The following PCDH9 variants were observed in gnomAD, a reference collection of about 807,000 sequenced individuals.
PCDH9 encodes the protein protocadherin-9.
A neutral mutation model predicts 70.6 loss-of-function variants in PCDH9; 24 were observed. The observed-to-expected ratio is 0.34, with a 90% CI of 0.25 to 0.48. The LOEUF (loss-of-function observed/expected upper bound fraction) is 0.48. PCDH9 is among the 20% of genes least tolerant of loss of function. PCDH9 has a pLI of 0.99. For missense variants in PCDH9, 1,281 were observed against 1,503.6 expected, an observed-to-expected ratio of 0.85 and a Z score of 2.45; for synonymous variants, 562 against 558.5, an observed-to-expected ratio of 1.01 and a Z score of -0.09.
chr13:66,662,228 T>G (rs887316315), intron 3 of PCDH9, among the ~76,000 whole-genome samples: 1 of 151,956 alleles, frequency 6.6e-6, no homozygotes, highest in Non-Finnish European at 1.5e-5. Flanking sequence ...ATCCTGGCAC[T>G]TTGGGGGGCT....
chr13:66,655,878 G>T (rs2077921285), intron 3 of PCDH9, among the ~76,000 whole-genome samples: 1 of 152,120 alleles, frequency 6.6e-6, no homozygotes. Flanking sequence ...TACAAGAAAT[G>T]ATCTCTCCTG....
At chr13:66,701,031 A>T (rs1319485891) in intron 3 of PCDH9, among the ~76,000 whole-genome samples, 1 of 145,046 alleles carries the variant, frequency 6.9e-6, no homozygotes, top group Non-Finnish European at 1.5e-5. Context: ...ATATATTTCA[A>T]GGTTTTAACA....
At chr13:66,450,227 T>A (rs1958177329) in intron 4 of PCDH9, among the ~76,000 whole-genome samples, 1 of 152,214 alleles carries the variant, frequency 6.6e-6, no homozygotes, top group South Asian at 2.1e-4. Flanking sequence ...TAAACAAATT[T>A]ATTGCCATTT....
At chr13:66,692,587 C>T (rs1380654234) in intron 3 of PCDH9, among the ~76,000 whole-genome samples, 2 of 151,986 alleles carry the variant, frequency 1.3e-5, no homozygotes, top group Non-Finnish European at 2.9e-5. Flanking sequence ...CATATTAAGC[C>T]ATAGCCATCC....
intron 4 of PCDH9, among the ~76,000 whole-genome samples, chr13:66,451,417 T>C (rs1276262001): frequency 6.6e-6 from 1 of 152,182 alleles, no homozygotes; most frequent in Non-Finnish European, 1.5e-5. Context: ...GTAGCTGCTA[T>C]GGGGATATTT....
At chr13:67,066,397 C>T (rs2085648826) in intron 2 of PCDH9, among the ~76,000 whole-genome samples, 1 of 152,132 alleles carries the variant, frequency 6.6e-6, no homozygotes, top group African/African-American at 2.4e-5. Context: ...CCACACCCAG[C>T]TAATTTTTGT....
chr13:66,434,796 T>A (rs968077499), intron 4 of PCDH9, among the ~76,000 whole-genome samples: 11 of 152,064 alleles, frequency 7.2e-5, no homozygotes, highest in African/African-American at 2.7e-4. Flanking sequence ...TGTGAAAATT[T>A]CCATAATATG....
chr13:66,511,994 T>C (rs147879023), intron 4 of PCDH9, among the ~76,000 whole-genome samples: 1 of 152,194 alleles, frequency 6.6e-6, no homozygotes, highest in Non-Finnish European at 1.5e-5. Context: ...CTATGTTTGA[T>C]GATGTTTAAA....
chr13:66,848,713 G>A (rs2081256002), intron 3 of PCDH9, among the ~76,000 whole-genome samples: 1 of 151,968 alleles, frequency 6.6e-6, no homozygotes, highest in Non-Finnish European at 1.5e-5. Flanking sequence ...CGGATCACGA[G>A]GTCATGAGAG....
chr13:67,053,783 G>A (rs1024545788), intron 2 of PCDH9, among the ~76,000 whole-genome samples: 1 of 152,062 alleles, frequency 6.6e-6, no homozygotes, highest in African/African-American at 2.4e-5. Flanking sequence ...ATTTATCCAG[G>A]CCCATGTTTG....
chr13:67,057,870 T>G (rs1449587852), intron 2 of PCDH9, among the ~76,000 whole-genome samples: 2 of 152,152 alleles, frequency 1.3e-5, no homozygotes, highest in Non-Finnish European at 1.5e-5. Flanking sequence ...TTCCTTTCCT[T>G]TTTCTTCCTT....
rs184416070 is a variant in PCDH9, at chr13:67,216,812, C to A, written c.3036+8593G>T. On this transcript the variant is annotated intron_variant, in intron 2 of 4. Coordinates refer to ENST00000377865, the MANE Select transcript of PCDH9 (RefSeq NM_203487.3). The stretch of plus-strand genomic sequence containing the variant: ...TATTAACAACATACATGAATATAGT[C>A]CACCTAGTGAATGACAAGAAATGGA... 12 of 150,800 alleles carry A rather than the reference C, an allele frequency of 8.0e-5. No individual in the cohort carries two copies. The East Asian group carries it at 1.8e-3, about 22-fold the overall frequency. The allele number at this position is 150,800 out of a possible 1,614,324, so 9.3% of individuals were successfully genotyped here. A position where few individuals can be genotyped will look rare whatever the true frequency, so the allele number is the denominator to read the frequency against.
At chr13:66,864,238 T>A (rs2081533134) in intron 3 of PCDH9, among the ~76,000 whole-genome samples, 3 of 152,104 alleles carry the variant, frequency 2.0e-5, no homozygotes, top group Admixed American at 2.0e-4. Context: ...TGAGAAGTCA[T>A]AGTGAAAACA....
chr13:66,529,349 C>A (rs1030877391), intron 4 of PCDH9, among the ~76,000 whole-genome samples: 1 of 151,984 alleles, frequency 6.6e-6, no homozygotes, highest in Non-Finnish European at 1.5e-5. Flanking sequence ...TTCTTTATAC[C>A]AATAATAGTA....
rs147549870 is a variant in PCDH9, at chr13:66,312,886, T to A, written c.3341-7858A>T. 6.4e-3 allele frequency among the ~76,000 whole-genome samples: 968 copies of A among 152,290 alleles called. 11 individuals are homozygous for A. Among genetic ancestry groups the A allele is most frequent in the African/African-American group, 0.022 (915 of 41,564 alleles). On this transcript the variant is annotated intron_variant, in intron 4 of 4. Coordinates refer to ENST00000377865, the MANE Select transcript of PCDH9 (RefSeq NM_203487.3). ...TACAGATTTCTTCCTTGGTCACAGA[T>A]GAAAAGTCAACATTTGCAGATGGAG...
chr13:66,540,960 C>T (rs1379714476), intron 4 of PCDH9, among the ~76,000 whole-genome samples: 2 of 152,130 alleles, frequency 1.3e-5, no homozygotes, highest in Non-Finnish European at 2.9e-5. Context: ...ATGGAGTTAA[C>T]TTATTGAACT....
chr13:66,430,537 G>T (rs1378413411), intron 4 of PCDH9, among the ~76,000 whole-genome samples: 1 of 151,966 alleles, frequency 6.6e-6, no homozygotes, highest in African/African-American at 2.4e-5. Flanking sequence ...TATTCATTCA[G>T]CAAACATGTA....
chr13:67,034,941 T>C (rs777158949), intron 2 of PCDH9, among the ~76,000 whole-genome samples: 13 of 151,572 alleles, frequency 8.6e-5, no homozygotes, highest in African/African-American at 3.1e-4. Flanking sequence ...AAAAAAAGCA[T>C]GTGATTGCTT....
chr13:67,188,968 A>T (rs2088834810), intron 2 of PCDH9, among the ~76,000 whole-genome samples: 2 of 151,948 alleles, frequency 1.3e-5, no homozygotes, highest in Middle Eastern at 3.2e-3. Flanking sequence ...GAGTCTCCAA[A>T]GTCCATTGTG....
Sources: allele counts gnomAD v4.1 joint callset (sites outside exome capture counted in the v4.1 genomes callset), GRCh38; gene constraint gnomAD v4.1.1; transcripts MANE v1.5; gene names NCBI Gene and HGNC (gene_info 2026-07-23, HGNC 2026-07-21).